The following PRLR variants were observed in gnomAD, a reference collection of about 807,000 sequenced individuals.
PRLR encodes hPRL receptor.
In PRLR, 13 loss-of-function variants were observed where a neutral mutation model predicts 40.2. The observed-to-expected ratio is 0.32, with a 90% CI of 0.21 to 0.51. PRLR has a LOEUF of 0.51. PRLR is among the 20% of genes least tolerant of loss of function. The probability of loss-of-function intolerance (pLI) is 0.97; values close to 1 mark genes in which losing one functional copy is unlikely to be tolerated. For missense variants in PRLR, 656 were observed against 747.3 expected (o/e 0.88, Z 1.42); for synonymous variants, 269 against 278.7 (o/e 0.97, Z 0.35).
At chr5:35,155,785 T>C (rs1252576821) in intron 1 of PRLR, among the ~76,000 whole-genome samples, 1 of 152,108 alleles carries the variant, frequency 6.6e-6, no homozygotes, top group African/African-American at 2.4e-5. Context: ...GCTCTCACCT[T>C]TAGAAAAAAG....
rs202007689 is a variant in PRLR at position 35,110,582 on chromosome 5, C to A, written c.-44+7479G>T. Among the ~76,000 whole-genome samples the A allele has an allele frequency of 2.0e-5, 3 of 152,258 alleles. No individual in the cohort carries two copies. In the East Asian group the frequency reaches 5.8e-4, roughly 29 times the overall value. On this transcript the variant is annotated intron_variant, in intron 2 of 9. Transcript: ENST00000618457. Reference sequence around the variant, plus strand: ...ATAAAATTCTCTCTATAGTCCCAAGCAATCCTGCAATCAGCATCAGCTTGC... The same window carrying A: ...ATAAAATTCTCTCTATAGTCCCAAGAAATCCTGCAATCAGCATCAGCTTGC...
chr5:35,117,608 G>T (rs2111708232), intron 2 of PRLR, among the ~76,000 whole-genome samples: 1 of 152,328 alleles, frequency 6.6e-6, no homozygotes, highest in South Asian at 2.1e-4. Flanking sequence ...CATGAGGGCT[G>T]GGAGGAAGGA....
intron 2 of PRLR, among the ~76,000 whole-genome samples, chr5:35,093,310 A>G (rs1771336705): frequency 6.6e-6 from 1 of 150,908 alleles, no homozygotes; most frequent in Non-Finnish European, 1.5e-5. Context: ...CCAACATACC[A>G]CTCCCCACTG....
At chr5:35,216,192 A>T (rs1180026051) in intron 1 of PRLR, among the ~76,000 whole-genome samples, 2 of 152,164 alleles carry the variant, frequency 1.3e-5, no homozygotes, top group Non-Finnish European at 2.9e-5. Context: ...GTGCTATTGG[A>T]GGTTCCCACA....
intron 2 of PRLR, among the ~76,000 whole-genome samples, chr5:35,092,989 C>A (rs907744782): frequency 2.9e-4 from 44 of 152,162 alleles, no homozygotes; most frequent in African/African-American, 9.7e-4. Flanking sequence ...GTGGTATGAA[C>A]GCCAAGAAAA....
intron 1 of PRLR, among the ~76,000 whole-genome samples, chr5:35,186,473 G>C (rs1272939035): frequency 6.6e-6 from 1 of 152,118 alleles, no homozygotes; most frequent in Non-Finnish European, 1.5e-5. Context: ...ATTCACCCTG[G>C]AGAGATCTTA....
At chr5:35,217,534 T>C (rs1776314130) in intron 1 of PRLR, among the ~76,000 whole-genome samples, 1 of 152,172 alleles carries the variant, frequency 6.6e-6, no homozygotes, top group Non-Finnish European at 1.5e-5. Flanking sequence ...TCAGCAATAG[T>C]CTGTAGGCTC....
intron 2 of PRLR, among the ~76,000 whole-genome samples, chr5:35,090,956 G>GC (rs935752124): frequency 2.0e-5 from 3 of 151,832 alleles, no homozygotes; most frequent in African/African-American, 7.3e-5. Flanking sequence ...GACTACAGGA[G>GC]CCCCCCACGA....
At chr5:35,165,865 C>T (rs996656055) in intron 1 of PRLR, among the ~76,000 whole-genome samples, 10 of 152,136 alleles carry the variant, frequency 6.6e-5, no homozygotes, top group African/African-American at 2.2e-4. Context: ...TGCTGGTGAA[C>T]GTGGAATTCA....
chr5:35,197,225 G>C (rs1775760947), intron 1 of PRLR, among the ~76,000 whole-genome samples: 1 of 152,216 alleles, frequency 6.6e-6, no homozygotes, highest in Non-Finnish European at 1.5e-5. Context: ...AAAGTCACAA[G>C]TGGGAGAATG....
chr5:35,205,244 T>C (rs1561364354), intron 1 of PRLR, among the ~76,000 whole-genome samples: 1 of 152,092 alleles, frequency 6.6e-6, no homozygotes, highest in Non-Finnish European at 1.5e-5. Context: ...TCTTCAACTA[T>C]GCTAAAAGAT....
intron 1 of PRLR, among the ~76,000 whole-genome samples, chr5:35,228,269 T>C (rs1365707569): frequency 1.3e-5 from 2 of 149,348 alleles, no homozygotes; most frequent in African/African-American, 2.5e-5. Context: ...ATTATTTTCA[T>C]TGTGCTGACA....
At chr5:35,075,799 A>T (rs528455558) in intron 5 of PRLR, among the ~76,000 whole-genome samples, 145 of 152,314 alleles carry the variant, frequency 9.5e-4, no homozygotes, top group African/African-American at 2.6e-3. Flanking sequence ...GTAGGGGCCG[A>T]CTGACACCTC....
intron 2 of PRLR, among the ~76,000 whole-genome samples, chr5:35,090,038 G>A (rs953554323): frequency 1.3e-5 from 2 of 152,072 alleles, no homozygotes; most frequent in Non-Finnish European, 2.9e-5. Flanking sequence ...AGAATCCTAC[G>A]AGGGCTCTTG....
At chr5:35,141,888 T>C (rs893343827) in intron 1 of PRLR, among the ~76,000 whole-genome samples, 11 of 152,206 alleles carry the variant, frequency 7.2e-5, no homozygotes, top group African/African-American at 2.2e-4. Flanking sequence ...TTACATTGCG[T>C]GTTCATTTTC....
At chr5:35,228,412 G>A (rs1776607934) in intron 1 of PRLR, among the ~76,000 whole-genome samples, 1 of 152,124 alleles carries the variant, frequency 6.6e-6, no homozygotes, top group South Asian at 2.1e-4. Flanking sequence ...GGAACACCCA[G>A]GGTCCCCAGA....
chr5:35,081,404 TC>T, intron 5 of PRLR: 1 of 205,106 alleles, frequency 4.9e-6, no homozygotes, highest in Admixed American at 6.0e-5. Context: ...GCCTTCCATG[TC>T]CCCACCATCG....
intron 1 of PRLR, among the ~76,000 whole-genome samples, chr5:35,129,128 T>C (rs1441257602): frequency 1.3e-5 from 2 of 152,174 alleles, no homozygotes; most frequent in Admixed American, 6.5e-5. Flanking sequence ...TTCTCTCCTT[T>C]CTGGATGCTG....
chr5:35,113,241 T>C (rs1018555928), intron 2 of PRLR, among the ~76,000 whole-genome samples: 1 of 141,730 alleles, frequency 7.1e-6, no homozygotes, highest in Non-Finnish European at 1.5e-5. Context: ...CATCCATCTA[T>C]CAACCACCCA....
Sources: gnomAD v4.1 joint callset for allele counts (sites outside exome capture counted in the v4.1 genomes callset) on GRCh38, gnomAD v4.1.1 for gene constraint, MANE v1.5 for transcripts, NCBI Gene and HGNC (gene_info 2026-07-23, HGNC 2026-07-21) for gene names.